PTPRD: variants seen among roughly 807,000 people sequenced by gnomAD.
PTPRD encodes receptor-type tyrosine-protein phosphatase delta.
PTPRD carries 34 observed loss-of-function variants against 214.5 expected under a neutral mutation model. The observed-to-expected ratio is 0.16, with a 90% CI of 0.12 to 0.21. The LOEUF (loss-of-function observed/expected upper bound fraction) is 0.21. Ranked by LOEUF, PTPRD falls within the 10% of genes least tolerant of loss-of-function variation. The pLI, the probability that PTPRD is intolerant of heterozygous loss-of-function variation, is 1.00. For synonymous variants in PTPRD, 1,128 were observed against 845.7 expected, an observed-to-expected ratio of 1.33 and a Z score of -5.79; for missense variants, 2,545 against 2,398.7, an observed-to-expected ratio of 1.06 and a Z score of -1.27.
chr9:8,714,344 G>A (rs915084878), intron 12 of PTPRD, among the ~76,000 whole-genome samples: 3 of 151,172 alleles, frequency 2.0e-5, no homozygotes, highest in South Asian at 2.1e-4. Flanking sequence ...TTTATATCAC[G>A]GCCTCCTTTA....
intron 3 of PTPRD, among the ~76,000 whole-genome samples, chr9:10,064,585 A>G (rs2097843088): frequency 6.6e-6 from 1 of 151,936 alleles, no homozygotes; most frequent in African/African-American, 2.4e-5. Context: ...CCTCTCCAAG[A>G]AGCTCAGAGT....
intron 3 of PTPRD, among the ~76,000 whole-genome samples, chr9:10,322,055 G>C (rs140195286): frequency 3.3e-5 from 5 of 152,076 alleles, no homozygotes; most frequent in African/African-American, 1.2e-4. Context: ...AAAAGACGGA[G>C]TGAGGAAAAT....
intron 35 of PTPRD, among the ~76,000 whole-genome samples, chr9:8,408,013 A>G (rs2093171310): frequency 1.3e-5 from 2 of 152,310 alleles, no homozygotes; most frequent in East Asian, 1.9e-4. Context: ...TATCCATATT[A>G]CTAAGACAAA....
At chr9:9,523,921 G>C (rs1002151156) in intron 8 of PTPRD, among the ~76,000 whole-genome samples, 2 of 152,006 alleles carry the variant, frequency 1.3e-5, no homozygotes, top group Admixed American at 6.6e-5. Context: ...TGCTTCCGAC[G>C]GGCTGACTTC....
chr9:10,087,137 G>GA (rs796923934), intron 3 of PTPRD, among the ~76,000 whole-genome samples: 1 of 146,584 alleles, frequency 6.8e-6, no homozygotes, highest in Non-Finnish European at 1.5e-5. Flanking sequence ...ATGTTTTAGA[G>GA]TTTTTTTTTT....
chr9:9,144,952 T>C (rs2099866239), intron 10 of PTPRD, among the ~76,000 whole-genome samples: 1 of 152,224 alleles, frequency 6.6e-6, no homozygotes, highest in African/African-American at 2.4e-5. Context: ...TTGGGAAATG[T>C]ATCAGTTTAA....
intron 39 of PTPRD, among the ~76,000 whole-genome samples, chr9:8,360,050 C>G (rs192581167): frequency 2.0e-5 from 3 of 152,118 alleles, no homozygotes; most frequent in African/African-American, 7.2e-5. Context: ...CATGTTTATT[C>G]CAAAAATAAT....
intron 36 of PTPRD, among the ~76,000 whole-genome samples, chr9:8,402,899 C>T (rs2092584118): frequency 6.6e-6 from 1 of 151,986 alleles, no homozygotes; most frequent in Non-Finnish European, 1.5e-5. Context: ...AACTCTTGAA[C>T]ACTTAGTATC....
rs897228357 is a variant in PTPRD at position 8,633,568 on chromosome 9, A to T, written c.211-110T>A. Reference sequence around the variant, plus strand: ...CCATTAGGCTCATAATAAACTAGGCATCATTCTGAAACTGAATTTTGATAT... The same window carrying T: ...CCATTAGGCTCATAATAAACTAGGCTTCATTCTGAAACTGAATTTTGATAT... On this transcript the variant is annotated intron_variant, in intron 13 of 45. Transcript: ENST00000381196. 8 of 1,263,564 alleles carry T rather than the reference A, an allele frequency of 6.3e-6. No homozygotes were observed. In the East Asian group the frequency reaches 1.0e-4, roughly 16 times the overall value. 78.3% of individuals were successfully genotyped at this position (1,263,564 alleles called of 1,614,324 possible). A position where few individuals can be genotyped will look rare whatever the true frequency, so the allele number is the denominator to read the frequency against.
intron 14 of PTPRD, among the ~76,000 whole-genome samples, chr9:8,555,930 G>A (rs2083602620): frequency 6.6e-6 from 1 of 152,154 alleles, no homozygotes; most frequent in South Asian, 2.1e-4. Flanking sequence ...GTACAGAAAT[G>A]GGTCAGAGCA....
At chr9:10,439,407 A>T (rs1280252005) in intron 2 of PTPRD, among the ~76,000 whole-genome samples, 1 of 151,816 alleles carries the variant, frequency 6.6e-6, no homozygotes, top group Admixed American at 6.6e-5. Context: ...TATTAAATTA[A>T]ATTGTATTCA....
At chr9:9,201,511 G>T (rs1383910916) in intron 9 of PTPRD, among the ~76,000 whole-genome samples, 2 of 151,988 alleles carry the variant, frequency 1.3e-5, no homozygotes, top group African/African-American at 4.8e-5. Context: ...AATAGGATAG[G>T]ATAGGACATA....
At chr9:10,035,583 T>G (rs1369831082) in intron 3 of PTPRD, among the ~76,000 whole-genome samples, 1 of 152,104 alleles carries the variant, frequency 6.6e-6, no homozygotes, top group African/African-American at 2.4e-5. Flanking sequence ...CATTTAAGTC[T>G]TTAATTTCTG....
chr9:8,321,969 C>T (rs574551367), intron 44 of PTPRD, among the ~76,000 whole-genome samples: 1 of 152,006 alleles, frequency 6.6e-6, no homozygotes, highest in South Asian at 2.1e-4. Flanking sequence ...TTTGGTAATT[C>T]TTGTAATATT....
At chr9:9,885,866 A>G (rs1036821123) in intron 5 of PTPRD, among the ~76,000 whole-genome samples, 1 of 152,082 alleles carries the variant, frequency 6.6e-6, no homozygotes, top group African/African-American at 2.4e-5. Flanking sequence ...AGGTTAAAAA[A>G]AAAACCATGG....
chr9:9,993,342 G>A (rs986543710), intron 4 of PTPRD, among the ~76,000 whole-genome samples: 1 of 152,196 alleles, frequency 6.6e-6, no homozygotes, highest in South Asian at 2.1e-4. Context: ...ACATCAAAGT[G>A]CGTACAAGAA....
At chr9:9,594,335 GA>G (rs2093065493) in intron 7 of PTPRD, among the ~76,000 whole-genome samples, 1 of 151,994 alleles carries the variant, frequency 6.6e-6, no homozygotes, top group Non-Finnish European at 1.5e-5. Context: ...TCTTGGTCAT[GA>G]AATCCTTGCC....
intron 8 of PTPRD, among the ~76,000 whole-genome samples, chr9:9,411,860 T>C (rs2141947475): frequency 6.6e-6 from 1 of 151,704 alleles, no homozygotes; most frequent in East Asian, 2.0e-4. Context: ...TGTAGGGAAA[T>C]GAAATACTAA....
At chr9:8,974,284 G>T (rs2099255788) in intron 11 of PTPRD, among the ~76,000 whole-genome samples, 1 of 151,980 alleles carries the variant, frequency 6.6e-6, no homozygotes, top group Admixed American at 6.6e-5. Flanking sequence ...AGTTATCCCA[G>T]CACCATTTAT....
Sources: gnomAD v4.1 joint callset for allele counts (sites outside exome capture counted in the v4.1 genomes callset) on GRCh38, gnomAD v4.1.1 for gene constraint, MANE v1.5 for transcripts, NCBI Gene and HGNC (gene_info 2026-07-23, HGNC 2026-07-21) for gene names.